LNPEP: variants seen among roughly 807,000 people sequenced by gnomAD.
LNPEP encodes the protein leucyl and cystinyl aminopeptidase, also known as leucyl-cystinyl aminopeptidase.
LNPEP carries 64 observed loss-of-function variants against 120.6 expected under a neutral mutation model. The observed-to-expected ratio is 0.53, with a 90% CI of 0.43 to 0.65. The LOEUF (loss-of-function observed/expected upper bound fraction) is 0.65, where lower values mean the gene tolerates loss of function less well. Among genes scored for constraint, LNPEP ranks in the 30% least tolerant of loss-of-function variants. LNPEP has a pLI of 0.00. For missense variants in LNPEP, 1,057 were observed against 1,200.0 expected, an observed-to-expected ratio of 0.88 and a Z score of 1.76; for synonymous variants, 435 against 425.4, an observed-to-expected ratio of 1.02 and a Z score of -0.28.
intron 1 of LNPEP, among the ~76,000 whole-genome samples, chr5:96,977,826 G>A (rs1478492870): frequency 6.6e-6 from 1 of 152,094 alleles, no homozygotes; most frequent in Non-Finnish European, 1.5e-5. Context: ...TCATTGCCAG[G>A]TATGAAATAA....
chr5:96,957,406 T>C (rs1789495100), intron 1 of LNPEP, among the ~76,000 whole-genome samples: 1 of 152,186 alleles, frequency 6.6e-6, no homozygotes, highest in South Asian at 2.1e-4. Flanking sequence ...CCTGAAGCCT[T>C]GGTAATATTT....
intron 13 of LNPEP, among the ~76,000 whole-genome samples, chr5:97,018,826 T>A (rs1791123043): frequency 6.6e-6 from 1 of 152,198 alleles, no homozygotes; most frequent in Non-Finnish European, 1.5e-5. Flanking sequence ...GCACATGACA[T>A]ATGCTGCATT....
chr5:97,010,195 CCTCTCT>C (rs567960185), intron 11 of LNPEP: 4 of 754,644 alleles, frequency 5.3e-6, no homozygotes, highest in African/African-American at 1.9e-5. Context: ...TTTCTTCCTC[CCTCTCT>C]CTCTCTCTTT....
At chr5:96,968,821 T>A (rs1321310867) in intron 1 of LNPEP, among the ~76,000 whole-genome samples, 1 of 152,086 alleles carries the variant, frequency 6.6e-6, no homozygotes, top group African/African-American at 2.4e-5. Context: ...CCAAGATGTT[T>A]GTAACATGTG....
At chr5:97,023,241 ATTTC>A (rs756501111) in intron 14 of LNPEP, among the ~76,000 whole-genome samples, 12 of 151,752 alleles carry the variant, frequency 7.9e-5, no homozygotes, top group Admixed American at 1.3e-4. Context: ...ATGCATTAAA[ATTTC>A]TTTCTTTCTT....
chr5:96,978,991 A>C (rs1790061816), intron 1 of LNPEP, 147 bp from the exon 2 acceptor site: 2 of 792,862 alleles, frequency 2.5e-6, no homozygotes, highest in Non-Finnish European at 1.9e-6. Context: ...CATCTTATTT[A>C]ATTCAGTAGC....
At chr5:96,976,760 A>C (rs1002336964) in intron 1 of LNPEP, among the ~76,000 whole-genome samples, 1 of 152,068 alleles carries the variant, frequency 6.6e-6, no homozygotes, top group Non-Finnish European at 1.5e-5. Context: ...TAAAAAAAAA[A>C]ATTAAGCTAG....
chr5:97,010,213 T>C (rs1790892630), intron 11 of LNPEP: 1 of 896,766 alleles, frequency 1.1e-6, no homozygotes, highest in South Asian at 5.2e-5. Context: ...TCTCTCTTTC[T>C]TATCCACATT....
intron 9 of LNPEP, among the ~76,000 whole-genome samples, chr5:97,003,947 G>A (rs938252951): frequency 6.6e-6 from 1 of 151,836 alleles, no homozygotes; most frequent in Non-Finnish European, 1.5e-5. Flanking sequence ...GAATGATTCT[G>A]TACTCTGCTC....
chr5:96,960,890 T>C (rs1000756072), intron 1 of LNPEP, among the ~76,000 whole-genome samples: 5 of 148,912 alleles, frequency 3.4e-5, no homozygotes, highest in Middle Eastern at 3.4e-3. Flanking sequence ...GTTTTTTTTT[T>C]CCATAATCAT....
intron 13 of LNPEP, among the ~76,000 whole-genome samples, chr5:97,018,715 C>T (rs368134807): frequency 3.3e-5 from 5 of 152,288 alleles, no homozygotes; most frequent in Admixed American, 6.5e-5. Context: ...TTGGATATGA[C>T]GTTCAAATGT....
intron 1 of LNPEP, among the ~76,000 whole-genome samples, chr5:96,952,976 C>G (rs2112569317): frequency 6.6e-6 from 1 of 152,296 alleles, no homozygotes. Context: ...CATACCTGCC[C>G]TGCCATAGAA....
At chr5:97,020,023 C>T (rs1360735985) in intron 13 of LNPEP, among the ~76,000 whole-genome samples, 1 of 152,226 alleles carries the variant, frequency 6.6e-6, no homozygotes, top group African/African-American at 2.4e-5. Context: ...ACCACTTACA[C>T]ATTCCACAAG....
chr5:96,988,924 T>C (rs762146302), intron 4 of LNPEP, among the ~76,000 whole-genome samples: 29 of 152,138 alleles, frequency 1.9e-4, no homozygotes, highest in Non-Finnish European at 3.5e-4. Context: ...TTCAGCTATA[T>C]TTCTAATTGC....
At position 97,034,908 on chromosome 5, in the gene LNPEP, G is replaced by A. The variant is rs1366188390; in HGVS notation, c.*6375G>A. The A allele has an allele frequency of 6.6e-6, 1 of 151,710 alleles. No individual in the cohort carries two copies. The highest frequency in any genetic ancestry group is 1.5e-5 in the Non-Finnish European group (1 of 67,928). 9.4% of individuals were successfully genotyped at this position (151,710 alleles called of 1,614,324 possible). A position where few individuals can be genotyped will look rare whatever the true frequency, so the allele number is the denominator to read the frequency against. The stretch of plus-strand genomic sequence containing the variant: ...AGAATAGATGTTTGGTTTCTTTTGG[G>A]GGTGTCTGAGTGTATATGTGTGTGT... On this transcript the variant is annotated 3_prime_UTR_variant, in exon 18 of 18. Coordinates refer to ENST00000231368, the MANE Select transcript of LNPEP (RefSeq NM_005575.3).
Position 97,006,095 on chromosome 5 carries a change from T to C in LNPEP, c.1808T>C (p.Val603Ala). 6.5e-7 allele frequency: 1 copy of C among 1,536,678 alleles called. No homozygotes were observed. The highest frequency in any genetic ancestry group is 8.8e-7 in the Non-Finnish European group (1 of 1,138,122). ...FNEVTNQTLD[V>A]KRMMKTWTLQ... The stretch of plus-strand genomic sequence containing the variant: ...TAGGTCACAAACCAAACACTAGATG[T>C]AAAGAGAATGATGAAAACCTGGACC... The change falls in exon 10 of 18, where the codon GTA becomes GCA. Residue 603 changes from valine to alanine, a missense_variant. Transcript: ENST00000231368.
In LNPEP at chr5:96,961,857, G is replaced by A. The variant is rs1317286119; in HGVS notation, c.20-17281G>A. 2.6e-5 allele frequency among the ~76,000 whole-genome samples: 4 copies of A among 152,176 alleles called. No individual in the cohort carries two copies. In the East Asian group the frequency reaches 7.7e-4, roughly 29 times the overall value. On this transcript the variant is annotated intron_variant, in intron 1 of 17. Transcript: ENST00000231368. The stretch of plus-strand genomic sequence containing the variant: ...CATTCAGTCTATAGATCTGGAACCT[G>A]TAGATACAGACTAACTGTATTTGGA...
rs1791442871 is a variant in LNPEP at position 97,030,313 on chromosome 5, A to G, written c.*1780A>G. 1 of 152,092 alleles carries G rather than the reference A, an allele frequency of 6.6e-6. No homozygotes were observed. Among genetic ancestry groups the G allele is most frequent in the African/African-American group, 2.4e-5 (1 of 41,438 alleles). The allele number at this position is 152,092 out of a possible 1,614,324, so 9.4% of individuals were successfully genotyped here. Reference sequence around the variant, plus strand: ...TCAACTGAAGTGATTGTAAGTCTTTATTCTTGTGCTTTGGTTAAATGAATG... The same window carrying G: ...TCAACTGAAGTGATTGTAAGTCTTTGTTCTTGTGCTTTGGTTAAATGAATG... On this transcript the variant is annotated 3_prime_UTR_variant, in exon 18 of 18. Coordinates refer to ENST00000231368, the MANE Select transcript of LNPEP (RefSeq NM_005575.3).
At chr5:97,008,662 C>CTTTT (rs757725207) in intron 11 of LNPEP, among the ~76,000 whole-genome samples, 1,780 of 85,380 alleles carry the variant, frequency 0.021, 129 homozygotes, top group African/African-American at 0.032. Flanking sequence ...CCTCTTTACT[C>CTTTT]TTTTTTTTTT....
Sources: allele counts gnomAD v4.1 joint callset (sites outside exome capture counted in the v4.1 genomes callset), GRCh38; gene constraint gnomAD v4.1.1; transcripts MANE v1.5; gene names NCBI Gene and HGNC (gene_info 2026-07-23, HGNC 2026-07-21).